Variants in RALGAPA2 observed in about 807,000 individuals in gnomAD.
RALGAPA2 encodes the protein Ral GTPase activating protein catalytic subunit alpha 2.
In RALGAPA2, 139 loss-of-function variants were observed where a neutral mutation model predicts 230.4. The ratio of observed to expected loss-of-function variants is 0.60; its 90% confidence interval spans 0.53 to 0.69. RALGAPA2 has a LOEUF of 0.69. Among genes scored for constraint, RALGAPA2 ranks in the 30% least tolerant of loss-of-function variants. The probability of loss-of-function intolerance (pLI) is 0.00; values close to 1 mark genes in which losing one functional copy is unlikely to be tolerated. For synonymous variants in RALGAPA2, 847 were observed against 837.8 expected (o/e 1.01, Z -0.19); for missense variants, 2,163 against 2,276.0 (o/e 0.95, Z 1.01).
intron 24 of RALGAPA2, among the ~76,000 whole-genome samples, chr20:20,546,035 G>A (rs1247371266): frequency 2.6e-5 from 4 of 152,138 alleles, no homozygotes; most frequent in Admixed American, 1.3e-4. Flanking sequence ...GCACCAGTGC[G>A]CTTCAGCCTG....
chr20:20,652,264 CAT>C (rs2067425791), intron 4 of RALGAPA2, among the ~76,000 whole-genome samples: 1 of 152,170 alleles, frequency 6.6e-6, no homozygotes, highest in African/African-American at 2.4e-5. Context: ...CAACTTTGTA[CAT>C]ATTGATCTCC....
intron 3 of RALGAPA2, among the ~76,000 whole-genome samples, chr20:20,673,363 T>C (rs759396388): frequency 7.3e-5 from 11 of 151,548 alleles, no homozygotes; most frequent in Non-Finnish European, 1.2e-4. Context: ...ACTACTACTA[T>C]TACCAACACC....
chr20:20,609,127 T>C (rs756938361), intron 14 of RALGAPA2, among the ~76,000 whole-genome samples: 1 of 152,118 alleles, frequency 6.6e-6, no homozygotes, highest in Non-Finnish European at 1.5e-5. Flanking sequence ...CCCAAGTAAC[T>C]GAAACTTCAG....
intron 37 of RALGAPA2, among the ~76,000 whole-genome samples, chr20:20,417,400 C>A (rs1456474544): frequency 6.6e-6 from 1 of 152,210 alleles, no homozygotes; most frequent in Non-Finnish European, 1.5e-5. Context: ...TCTTCCAGTT[C>A]CAGGTGGCTG....
intron 38 of RALGAPA2, among the ~76,000 whole-genome samples, chr20:20,400,509 A>G (rs1409013701): frequency 6.6e-6 from 1 of 152,220 alleles, no homozygotes; most frequent in Non-Finnish European, 1.5e-5. Flanking sequence ...TCCCATGACT[A>G]TAATGTACTT....
chr20:20,396,392 C>T (rs1207049784), intron 39 of RALGAPA2, among the ~76,000 whole-genome samples: 3 of 152,280 alleles, frequency 2.0e-5, no homozygotes, highest in Non-Finnish European at 4.4e-5. Flanking sequence ...GGCCCCAGCG[C>T]CCGCTGGCTC....
intron 37 of RALGAPA2, among the ~76,000 whole-genome samples, chr20:20,442,734 C>T (rs1227620445): frequency 6.6e-6 from 1 of 152,196 alleles, no homozygotes; most frequent in Non-Finnish European, 1.5e-5. Flanking sequence ...TTAGAATGTG[C>T]TGATGACAAG....
In RALGAPA2 at chr20:20,513,167, AG is replaced by A; in HGVS notation, c.4201del (p.Val1402SerfsTer47). 1 of 1,548,892 alleles carries A rather than the reference AG, an allele frequency of 6.5e-7. No homozygotes were observed. Among genetic ancestry groups the A allele is most frequent in the East Asian group, 2.2e-5 (1 of 44,512 alleles). On this transcript the variant is annotated frameshift_variant, in exon 32 of 40. Transcript: ENST00000202677. LOFTEE classifies it high-confidence loss of function. The stretch of plus-strand genomic sequence containing the variant: ...GGCATTGTCATGGTTCTCGCTGACA[AG>A]GCTGTGCAGTATGGCAGGGCCCCCA... ...LSGGPAILHS[L>X]VSENHDNAHV... is the part of the protein sequence containing the mutation.
chr20:20,681,085 G>C (rs2068503687), intron 1 of RALGAPA2, among the ~76,000 whole-genome samples: 1 of 152,200 alleles, frequency 6.6e-6, no homozygotes, highest in South Asian at 2.1e-4. Context: ...GAAGGCTGGA[G>C]GTAAGCAGGG....
intron 37 of RALGAPA2, among the ~76,000 whole-genome samples, chr20:20,430,503 C>T (rs1162601767): frequency 6.6e-6 from 1 of 152,178 alleles, no homozygotes; most frequent in Non-Finnish European, 1.5e-5. Context: ...AAAACAGAAA[C>T]ACAGGGACCA....
At chr20:20,702,900 T>C (rs2069445370) in intron 1 of RALGAPA2, among the ~76,000 whole-genome samples, 1 of 152,144 alleles carries the variant, frequency 6.6e-6, no homozygotes, top group Admixed American at 6.5e-5. Context: ...TGTCCAGGCA[T>C]GGTGGCTCAG....
intron 23 of RALGAPA2, among the ~76,000 whole-genome samples, chr20:20,553,412 T>C (rs571678888): frequency 1.3e-5 from 2 of 151,814 alleles, no homozygotes; most frequent in African/African-American, 4.8e-5. Context: ...ATTAGCCAGG[T>C]GTGGTGGTAC....
intron 23 of RALGAPA2, among the ~76,000 whole-genome samples, chr20:20,553,888 A>G (rs1017517701): frequency 6.6e-6 from 1 of 152,224 alleles, no homozygotes; most frequent in African/African-American, 2.4e-5. Context: ...AAAATGTGGT[A>G]TATAGATTTA....
At chr20:20,616,005 T>A (rs980618112) in intron 13 of RALGAPA2, 38 bp downstream of exon 13, 16 of 1,342,352 alleles carry the variant, frequency 1.2e-5, no homozygotes, top group Admixed American at 3.3e-5. Flanking sequence ...AACAGAAACA[T>A]CTGTTTTACA....
chr20:20,709,247 A>G (rs974773283), intron 1 of RALGAPA2, among the ~76,000 whole-genome samples: 21 of 151,994 alleles, frequency 1.4e-4, no homozygotes, highest in African/African-American at 4.8e-4. Flanking sequence ...TGAGCCCAGG[A>G]GGCGGAGGTT....
chr20:20,524,646 C>CTT (rs2145484890), intron 29 of RALGAPA2, 103 bp from the exon 30 acceptor site: 1 of 1,466,820 alleles, frequency 6.8e-7, no homozygotes, highest in East Asian at 2.3e-5. Context: ...AGTGGACATG[C>CTT]AGGTGCTAGA....
At chr20:20,601,090 ACT>A (rs1363696810) in intron 16 of RALGAPA2, among the ~76,000 whole-genome samples, 5 of 152,034 alleles carry the variant, frequency 3.3e-5, no homozygotes, top group South Asian at 2.1e-4. Context: ...TCAGAGCGAG[ACT>A]CTGTCTCAAA....
At chr20:20,602,767 T>C (rs927640377) in intron 15 of RALGAPA2, among the ~76,000 whole-genome samples, 15 of 152,218 alleles carry the variant, frequency 9.9e-5, no homozygotes, top group African/African-American at 2.4e-4. Flanking sequence ...AGTCTGTCTC[T>C]TTAGATGAAT....
chr20:20,656,046 G>A (rs1361515787), intron 3 of RALGAPA2, among the ~76,000 whole-genome samples: 4 of 152,174 alleles, frequency 2.6e-5, no homozygotes, highest in African/African-American at 9.6e-5. Context: ...GTGTAAATGG[G>A]TCTGGAGTAC....
Sources: allele counts gnomAD v4.1 joint callset (sites outside exome capture counted in the v4.1 genomes callset), GRCh38; gene constraint gnomAD v4.1.1; transcripts MANE v1.5; gene names NCBI Gene and HGNC (gene_info 2026-07-23, HGNC 2026-07-21).